TSEN2: variants seen among roughly 807,000 people sequenced by gnomAD.
TSEN2 encodes the protein tRNA splicing endonuclease subunit 2.
A neutral mutation model predicts 59.2 loss-of-function variants in TSEN2; 54 were observed. That is an observed-to-expected ratio of 0.91 (90% confidence interval 0.73 to 1.14). The LOEUF is 1.14. Ranked by LOEUF, TSEN2 falls within the 50% of genes most tolerant of loss-of-function variation. The pLI is 0.00. For missense variants in TSEN2, 636 were observed against 576.2 expected, an observed-to-expected ratio of 1.10 and a Z score of -1.06; for synonymous variants, 195 against 198.2, an observed-to-expected ratio of 0.98 and a Z score of 0.14.
intron 4 of TSEN2, among the ~76,000 whole-genome samples, chr3:12,501,773 G>T (rs1339820440): frequency 6.6e-6 from 1 of 152,206 alleles, no homozygotes; most frequent in East Asian, 1.9e-4. Context: ...CACAAGCCAC[G>T]TGTTGTCTTG....
chr3:12,482,474 A>G (rs2052204029), upstream of TSEN2, among the ~76,000 whole-genome samples: 1 of 152,240 alleles, frequency 6.6e-6, no homozygotes, highest in African/African-American at 2.4e-5. Flanking sequence ...TATGTTTGAA[A>G]ATAACCATAT....
At chr3:12,488,634 C>T (rs2052884745) in intron 1 of TSEN2, among the ~76,000 whole-genome samples, 1 of 152,194 alleles carries the variant, frequency 6.6e-6, no homozygotes, top group African/African-American at 2.4e-5. Flanking sequence ...ATGTTATATA[C>T]TTGTTTTGTC....
intron 5 of TSEN2, 143 bp from the exon 6 acceptor site, chr3:12,505,011 T>C (rs547675727): frequency 1.5e-6 from 1 of 664,494 alleles, no homozygotes; most frequent in South Asian, 1.7e-5. Context: ...AAAAAAATTG[T>C]GTTTTAATCA....
intron 4 of TSEN2, among the ~76,000 whole-genome samples, chr3:12,501,502 T>A (rs2054280088): frequency 6.6e-6 from 1 of 152,168 alleles, no homozygotes; most frequent in Non-Finnish European, 1.5e-5. Context: ...GCTTTGGGAT[T>A]CTTAGGAATC....
intron 8 of TSEN2, among the ~76,000 whole-genome samples, chr3:12,520,843 T>C (rs578001707): frequency 4.6e-5 from 7 of 152,144 alleles, no homozygotes; most frequent in Non-Finnish European, 8.8e-5. Flanking sequence ...CATGGGTAAA[T>C]TCATGTGACA....
intron 8 of TSEN2, among the ~76,000 whole-genome samples, chr3:12,521,740 G>A (rs187502611): frequency 1.1e-3 from 173 of 150,790 alleles, no homozygotes; most frequent in Middle Eastern, 3.7e-3. Flanking sequence ...GGCTGGGCGC[G>A]GTGGCTCACG....
At chr3:12,524,671 T>G (rs534112136) in intron 8 of TSEN2, among the ~76,000 whole-genome samples, 2 of 151,948 alleles carry the variant, frequency 1.3e-5, no homozygotes, top group South Asian at 2.1e-4. Context: ...CATTCACAAG[T>G]CAGGGATTAG....
chr3:12,488,472 C>T (rs1228895547), intron 1 of TSEN2, among the ~76,000 whole-genome samples: 2 of 152,144 alleles, frequency 1.3e-5, no homozygotes, highest in African/African-American at 4.8e-5. Flanking sequence ...ATTGTTTTCC[C>T]ATGTATATGG....
At chr3:12,519,805 A>G (rs1171080987) in intron 8 of TSEN2, among the ~76,000 whole-genome samples, 2 of 152,080 alleles carry the variant, frequency 1.3e-5, no homozygotes, top group Non-Finnish European at 2.9e-5. Flanking sequence ...TAGCCATGAG[A>G]TCGGGTAATT....
In TSEN2 at chr3:12,531,793, A is replaced by G; in HGVS notation, c.1338+134A>G. ...CAGAGCCTTCTCAGGCAGGCTCTTAAGTCTCTCACCTTTTCCCCATTGAAC... is the reference window on the plus strand; with the variant it reads ...CAGAGCCTTCTCAGGCAGGCTCTTAGGTCTCTCACCTTTTCCCCATTGAAC... On this transcript the variant is annotated intron_variant, in intron 11 of 11. Coordinates refer to ENST00000284995, the MANE Select transcript of TSEN2 (RefSeq NM_025265.4). The G allele has an allele frequency of 1.2e-5, 8 of 694,788 alleles. No homozygotes were observed. The South Asian group carries it at 1.3e-4, about 11-fold the overall frequency. 43.0% of individuals were successfully genotyped at this position (694,788 alleles called of 1,614,324 possible). A position where few individuals can be genotyped will look rare whatever the true frequency, so the allele number is the denominator to read the frequency against.
chr3:12,512,400 T>G (rs1023946666), intron 6 of TSEN2, among the ~76,000 whole-genome samples: 3 of 152,256 alleles, frequency 2.0e-5, no homozygotes, highest in Admixed American at 6.5e-5. Flanking sequence ...TGAATTGATA[T>G]AACAGCTAAT....
chr3:12,508,565 G>A (rs76933617), intron 6 of TSEN2, among the ~76,000 whole-genome samples: 2,495 of 152,266 alleles, frequency 0.016, 43 homozygotes, highest in South Asian at 0.059. Flanking sequence ...GACTCAGAGT[G>A]GTGATACACA....
At chr3:12,534,658 G>C (rs2057627425), downstream of TSEN2, among the ~76,000 whole-genome samples, 1 of 151,998 alleles carries the variant, frequency 6.6e-6, no homozygotes, top group South Asian at 2.1e-4. Flanking sequence ...AAAAAAACTA[G>C]CTCAGGCGTG....
At chr3:12,501,976 A>G (rs17036852) in intron 4 of TSEN2, among the ~76,000 whole-genome samples, 3,728 of 152,280 alleles carry the variant, frequency 0.024, 64 homozygotes, top group South Asian at 0.059. Flanking sequence ...GTGTTTTGTA[A>G]CTTGGGTGTT....
chr3:12,527,405 C>T (rs1341506902), intron 8 of TSEN2, among the ~76,000 whole-genome samples: 1 of 151,130 alleles, frequency 6.6e-6, no homozygotes, highest in African/African-American at 2.4e-5. Flanking sequence ...AAATTCTATC[C>T]ATTCCTCAAG....
intron 7 of TSEN2, among the ~76,000 whole-genome samples, chr3:12,517,093 A>G (rs2056203000): frequency 6.6e-6 from 1 of 152,166 alleles, no homozygotes; most frequent in African/African-American, 2.4e-5. Flanking sequence ...CACGCCTGTA[A>G]TCCCAGCACA....
chr3:12,506,953 G>A (rs1575333204), intron 6 of TSEN2: 4 of 721,698 alleles, frequency 5.5e-6, no homozygotes, highest in Non-Finnish European at 6.8e-6. Flanking sequence ...CCAGCACTTT[G>A]GGAGGCCGAG....
At chr3:12,522,944 C>G (rs988891679) in intron 8 of TSEN2, among the ~76,000 whole-genome samples, 5 of 152,186 alleles carry the variant, frequency 3.3e-5, no homozygotes, top group Admixed American at 6.5e-5. Context: ...AGGCACCTTG[C>G]CTTGGTGTTT....
At position 12,499,648 on chromosome 3, in the gene TSEN2, G is replaced by T. The variant is rs1204635316; in HGVS notation, c.308+3094G>T. On this transcript the variant is annotated intron_variant, in intron 4 of 11. Transcript: ENST00000284995. ...CAGTAGCTTGCCCAAGATTACGTGG[G>T]CTCAGCGCCAGAGCCTGGGAGACAT... is the stretch of plus-strand genomic sequence containing the variant. Among the ~76,000 whole-genome samples the T allele has an allele frequency of 2.6e-5, 4 of 152,170 alleles. No homozygotes were observed. The East Asian group carries it at 7.7e-4, about 29-fold the overall frequency.
Sources: gnomAD v4.1 joint callset for allele counts (sites outside exome capture counted in the v4.1 genomes callset) on GRCh38, gnomAD v4.1.1 for gene constraint, MANE v1.5 for transcripts, NCBI Gene and HGNC (gene_info 2026-07-23, HGNC 2026-07-21) for gene names.